Variants in CADM2 observed in about 807,000 individuals in gnomAD.
CADM2 encodes cell adhesion molecule 2.
A neutral mutation model predicts 49.8 loss-of-function variants in CADM2; 12 were observed. The ratio of observed to expected loss-of-function variants is 0.24; its 90% CI spans 0.15 to 0.39. The LOEUF (loss-of-function observed/expected upper bound fraction) is 0.39. CADM2 is among the 10% of genes least tolerant of loss of function. CADM2 has a pLI of 1.00. For missense variants in CADM2, 378 were observed against 492.3 expected (o/e 0.77, Z 2.20); for synonymous variants, 214 against 175.4 (o/e 1.22, Z -1.74).
intron 1 of CADM2, among the ~76,000 whole-genome samples, chr3:85,601,130 GTATATATATATATA>G (rs375011644): frequency 0.027 from 2,941 of 109,584 alleles, 121 homozygotes; most frequent in Admixed American, 0.067. Flanking sequence ...ATATATGTGT[GTATATATATATATA>G]TATATATATA....
chr3:85,172,839 A>G (rs936835624), intron 1 of CADM2, among the ~76,000 whole-genome samples: 1 of 146,918 alleles, frequency 6.8e-6, no homozygotes, highest in African/African-American at 2.5e-5. Context: ...TATAATATAT[A>G]TATTATATAT....
chr3:85,437,880 T>A (rs924579430), intron 1 of CADM2, among the ~76,000 whole-genome samples: 1 of 152,014 alleles, frequency 6.6e-6, no homozygotes, highest in Admixed American at 6.6e-5. Flanking sequence ...GCTTTTAAAT[T>A]AAATTTCATT....
intron 1 of CADM2, among the ~76,000 whole-genome samples, chr3:85,267,829 A>T (rs2106830869): frequency 6.6e-6 from 1 of 151,766 alleles, no homozygotes; most frequent in East Asian, 1.9e-4. Flanking sequence ...TTTTCTTGGA[A>T]ATAGGCAGAA....
At chr3:85,536,955 A>G (rs967394780) in intron 1 of CADM2, among the ~76,000 whole-genome samples, 3 of 151,980 alleles carry the variant, frequency 2.0e-5, no homozygotes, top group African/African-American at 7.2e-5. Flanking sequence ...AGCATGGCAA[A>G]AAAAAATAGG....
At chr3:85,947,385 ATG>A (rs564098336) in intron 7 of CADM2, among the ~76,000 whole-genome samples, 2 of 151,084 alleles carry the variant, frequency 1.3e-5, no homozygotes, top group African/African-American at 2.4e-5. Context: ...TGGGATGTGT[ATG>A]TGTGTGTGTG....
intron 1 of CADM2, among the ~76,000 whole-genome samples, chr3:85,379,207 C>T (rs901605461): frequency 1.3e-5 from 2 of 151,790 alleles, no homozygotes; most frequent in Non-Finnish European, 2.9e-5. Context: ...ATGATGATTG[C>T]TTAAGTGTTT....
intron 1 of CADM2, among the ~76,000 whole-genome samples, chr3:85,369,812 C>G (rs1273149474): frequency 6.6e-6 from 1 of 152,112 alleles, no homozygotes; most frequent in Non-Finnish European, 1.5e-5. Context: ...ACCAACTGCT[C>G]AAGTGTCCCT....
intron 3 of CADM2, among the ~76,000 whole-genome samples, chr3:85,853,546 G>C (rs2075186938): frequency 6.6e-6 from 1 of 151,896 alleles, no homozygotes; most frequent in Admixed American, 6.6e-5. Flanking sequence ...AAATGGCCAT[G>C]ACATGCATGT....
chr3:85,338,108 A>C lies in CADM2; in HGVS notation c.61+378440A>C, dbSNP rs566385963. Among the ~76,000 whole-genome samples, 147 of 151,754 alleles carry C rather than the reference A, an allele frequency of 9.7e-4. 1 individual carries two copies. Among genetic ancestry groups the C allele is most frequent in the Non-Finnish European group, 1.0e-3 (69 of 67,646 alleles). On this transcript the variant is annotated intron_variant, in intron 1 of 9. Coordinates refer to ENST00000383699, the MANE Select transcript of CADM2 (RefSeq NM_001167675.2). ...CTCTAAAGTGATATTAACATTCCTTATCAGACTGAATTAATTGCTTGAGTA... is the reference window on the plus strand; with the variant it reads ...CTCTAAAGTGATATTAACATTCCTTCTCAGACTGAATTAATTGCTTGAGTA...
intron 1 of CADM2, among the ~76,000 whole-genome samples, chr3:85,086,417 G>T (rs1478132550): frequency 4.6e-5 from 7 of 151,070 alleles, no homozygotes; most frequent in African/African-American, 1.5e-4. Flanking sequence ...CTAGGCATTT[G>T]CTTTCTAGTG....
chr3:85,548,069 G>A (rs889037511), intron 1 of CADM2, among the ~76,000 whole-genome samples: 5 of 151,770 alleles, frequency 3.3e-5, no homozygotes, highest in African/African-American at 9.7e-5. Context: ...CTTACTAGCT[G>A]TGTTAACTAG....
chr3:85,975,492 T>C (rs933608202), intron 8 of CADM2, among the ~76,000 whole-genome samples: 3 of 151,502 alleles, frequency 2.0e-5, no homozygotes, highest in African/African-American at 7.3e-5. Flanking sequence ...TAATTACTAA[T>C]TTCTCCGATC....
rs980481614 is a variant in CADM2, at chr3:85,877,949, T to A, written c.239-5342T>A. ...AGTTATAGTATATTCCTCTTTGGAC[T>A]GTTAAATGTTTTTTCCTTATTCTTC... On this transcript the variant is annotated intron_variant, in intron 3 of 9. Coordinates refer to ENST00000383699, the MANE Select transcript of CADM2 (RefSeq NM_001167675.2). Among the ~76,000 whole-genome samples, 3 of 152,106 alleles carry A rather than the reference T, an allele frequency of 2.0e-5. No individual in the cohort carries two copies. In the South Asian group the frequency reaches 6.2e-4, roughly 31 times the overall value.
intron 1 of CADM2, among the ~76,000 whole-genome samples, chr3:85,436,187 G>T (rs1241365484): frequency 6.6e-6 from 1 of 152,074 alleles, no homozygotes; most frequent in Non-Finnish European, 1.5e-5. Context: ...TGTAGCAATG[G>T]TGAATGGGAG....
intron 1 of CADM2, among the ~76,000 whole-genome samples, chr3:85,372,859 T>C (rs905504931): frequency 6.6e-6 from 1 of 151,998 alleles, no homozygotes; most frequent in African/African-American, 2.4e-5. Context: ...CCATCAGAAC[T>C]CATGAGACTT....
intron 7 of CADM2, among the ~76,000 whole-genome samples, chr3:85,941,585 G>C (rs890170631): frequency 2.6e-5 from 4 of 152,020 alleles, no homozygotes; most frequent in Non-Finnish European, 5.9e-5. Flanking sequence ...AAAATCCTGA[G>C]CCACAGGAAA....
At chr3:85,868,173 A>G (rs1399409613) in intron 3 of CADM2, among the ~76,000 whole-genome samples, 1 of 152,072 alleles carries the variant, frequency 6.6e-6, no homozygotes, top group African/African-American at 2.4e-5. Flanking sequence ...TCCGTTAGAT[A>G]CATTTTCTAT....
At chr3:85,540,853 A>G (rs748945910) in intron 1 of CADM2, among the ~76,000 whole-genome samples, 1 of 152,124 alleles carries the variant, frequency 6.6e-6, no homozygotes, top group Non-Finnish European at 1.5e-5. Context: ...CCTCTCCCTA[A>G]GGCTTGCAGA....
intron 7 of CADM2, among the ~76,000 whole-genome samples, chr3:85,945,765 G>T (rs536573818): frequency 0.018 from 2,768 of 152,162 alleles, 77 homozygotes; most frequent in African/African-American, 0.062. Context: ...ATTAGGTATT[G>T]ATGGGACGTA....
Sources: allele counts gnomAD v4.1 joint callset (sites outside exome capture counted in the v4.1 genomes callset), GRCh38; gene constraint gnomAD v4.1.1; transcripts MANE v1.5; gene names NCBI Gene and HGNC (gene_info 2026-07-23, HGNC 2026-07-21).